NDUFAF6: variants seen among roughly 807,000 people sequenced by gnomAD.
NDUFAF6 encodes the protein NADH dehydrogenase (ubiquinone) complex I, assembly factor 6.
In NDUFAF6, 45 loss-of-function variants were observed where a neutral mutation model predicts 40.8. The observed-to-expected ratio is 1.10, with a 90% confidence interval of 0.87 to 1.42. NDUFAF6 has a LOEUF of 1.42. Among genes scored for constraint, NDUFAF6 ranks in the 40% most tolerant of loss-of-function variants. The pLI, the probability that NDUFAF6 is intolerant of heterozygous loss-of-function variation, is 0.00. For missense variants in NDUFAF6, 435 were observed against 418.5 expected (o/e 1.04, Z -0.34); for synonymous variants, 185 against 155.9 (o/e 1.19, Z -1.39).
intron 2 of NDUFAF6, among the ~76,000 whole-genome samples, chr8:95,092,602 T>C (rs1809294491): frequency 1.6e-5 from 1 of 64,288 alleles, no homozygotes; most frequent in Non-Finnish European, 2.9e-5. Flanking sequence ...TTTTTTTTTT[T>C]GAGATAGAGT....
At position 94,978,309 on chromosome 8, in the gene NDUFAF6, G is replaced by A. The variant is rs563763996; in HGVS notation, c.-198-2550G>A. On this transcript the variant is annotated intron_variant, in intron 1 of 9. Transcript: ENST00000396111. ...CTTCTAGGTTGGTGAACACATCTGCGTGTTAGAAGGATGGCGCACTCCAAT... is the reference window on the plus strand; with the variant it reads ...CTTCTAGGTTGGTGAACACATCTGCATGTTAGAAGGATGGCGCACTCCAAT... Among the ~76,000 whole-genome samples the A allele has an allele frequency of 5.3e-5, 8 of 152,292 alleles. No homozygotes were observed. In the East Asian group the frequency reaches 5.8e-4, roughly 11 times the overall value.
intron 1 of NDUFAF6, among the ~76,000 whole-genome samples, chr8:94,943,596 C>T (rs1216210889): frequency 6.6e-6 from 1 of 152,218 alleles, no homozygotes; most frequent in African/African-American, 2.4e-5. Flanking sequence ...CAACTTCAGG[C>T]TCCTGACAGT....
At chr8:94,932,176 T>C in intron 1 of NDUFAF6, 1 of 1,521,092 alleles carries the variant, frequency 6.6e-7, no homozygotes, top group Non-Finnish European at 9.0e-7. Context: ...ACTTTACTAT[T>C]AGGACGTGGT....
At chr8:95,047,211 T>C in intron 6 of NDUFAF6, 84 bp downstream of exon 6, 2 of 1,572,348 alleles carry the variant, frequency 1.3e-6, no homozygotes, top group East Asian at 4.5e-5. Flanking sequence ...GCTTAGTCTA[T>C]TCAAGTAATT....
intron 2 of NDUFAF6, chr8:94,984,303 G>A (rs1252729702): frequency 6.6e-6 from 1 of 152,102 alleles, no homozygotes; most frequent in Non-Finnish European, 1.5e-5. Context: ...TAAAAAAACA[G>A]GGAGTTAAAA....
intron 3 of NDUFAF6, among the ~76,000 whole-genome samples, chr8:95,038,852 A>G (rs1829812616): frequency 6.6e-6 from 1 of 150,516 alleles, no homozygotes; most frequent in South Asian, 2.1e-4. Context: ...TAATTTTTGT[A>G]TTTTTAGTAG....
chr8:94,930,755 TTAAA>T (rs1820317404), intron 1 of NDUFAF6: 2 of 1,610,894 alleles, frequency 1.2e-6, no homozygotes, highest in East Asian at 4.5e-5. Flanking sequence ...TGGGGATGTA[TTAAA>T]TAACAGAGTA....
chr8:95,023,618 A>T (rs1288262523), upstream of NDUFAF6, among the ~76,000 whole-genome samples: 1 of 152,256 alleles, frequency 6.6e-6, no homozygotes, highest in Non-Finnish European at 1.5e-5. Context: ...ATTCAAGTGT[A>T]GGCAGCTGCT....
chr8:94,924,312 G>T lies in NDUFAF6; in HGVS notation c.-935-21171G>T, dbSNP rs563722544. Reference sequence around the variant, plus strand: ...CCTGACCTTGTGATCTGCCTGCCTCGGCCTCCCAAAATGCTGGGATTACAG... The same window carrying T: ...CCTGACCTTGTGATCTGCCTGCCTCTGCCTCCCAAAATGCTGGGATTACAG... On this transcript the variant is annotated intron_variant, in intron 1 of 14. Transcript: ENST00000396113. Among the ~76,000 whole-genome samples the T allele has an allele frequency of 2.0e-5, 3 of 152,030 alleles. No individual in the cohort carries two copies. The East Asian group carries it at 5.8e-4, about 29-fold the overall frequency.
chr8:94,949,029 A>T (rs1407593988), intron 2 of NDUFAF6: 11 of 148,558 alleles, frequency 7.4e-5, no homozygotes, highest in African/African-American at 2.7e-4. Flanking sequence ...TGAACGCGCA[A>T]CCGGCGCCCC....
chr8:95,028,152 T>G (rs1828402551), intron 1 of NDUFAF6, among the ~76,000 whole-genome samples: 1 of 152,224 alleles, frequency 6.6e-6, no homozygotes, highest in African/African-American at 2.4e-5. Flanking sequence ...TGTGCTTGTT[T>G]CTTATATGTC....
intron 2 of NDUFAF6, chr8:94,951,144 A>G (rs1312188889): frequency 2.0e-5 from 3 of 152,226 alleles, no homozygotes; most frequent in Non-Finnish European, 4.4e-5. Context: ...ACTCTGGAAA[A>G]TGCCAGCCAC....
intron 6 of NDUFAF6, 131 bp downstream of exon 6, chr8:95,047,258 C>G: frequency 7.7e-7 from 1 of 1,307,082 alleles, no homozygotes. Context: ...CTAAAAATGG[C>G]CTTCCTCTTT....
At chr8:94,911,151 T>C (rs1030639696) in intron 1 of NDUFAF6, among the ~76,000 whole-genome samples, 5 of 152,350 alleles carry the variant, frequency 3.3e-5, no homozygotes, top group Non-Finnish European at 5.9e-5. Flanking sequence ...GGAGGAGATA[T>C]TAACACGTCT....
Position 95,047,123 on chromosome 8 carries a change from T to C in NDUFAF6, c.710T>C (p.Met237Thr), listed in dbSNP as rs1165209725. The C allele has an allele frequency of 1.9e-6, 3 of 1,614,192 alleles. No individual in the cohort carries two copies. In the African/African-American group the frequency reaches 4.0e-5, roughly 22 times the overall value. The change falls in exon 6 of 9, where the codon ATG (methionine) becomes ACG (threonine). Residue 237 changes from methionine (M) to threonine (T), a missense_variant. Met to Thr is a moderately conservative substitution (Grantham distance 81, BLOSUM62 -1). Transcript: ENST00000396124. ...RKVFLPMDIC[M>T]LHGVSQEDFL... ...GTGTTCCTTCCCATGGATATTTGTA[T>C]GCTGGTAAGGCTGTAATTTGTACCT...
intron 1 of NDUFAF6, among the ~76,000 whole-genome samples, chr8:94,901,717 T>C (rs939373345): frequency 6.6e-6 from 1 of 152,090 alleles, no homozygotes; most frequent in Non-Finnish European, 1.5e-5. Flanking sequence ...AAGTAGCTGG[T>C]ATTACAGGCA....
chr8:95,104,146 G>C (rs938658582), downstream of NDUFAF6, among the ~76,000 whole-genome samples: 9 of 152,070 alleles, frequency 5.9e-5, no homozygotes, highest in African/African-American at 2.2e-4. Context: ...CAAAGTACTG[G>C]GATTAAGCTG....
chr8:94,939,295 A>G (rs1044251102), intron 1 of NDUFAF6, among the ~76,000 whole-genome samples: 6 of 152,242 alleles, frequency 3.9e-5, no homozygotes, highest in African/African-American at 1.4e-4. Flanking sequence ...CTTAACAGAA[A>G]TGCCAGTCTT....
intron 5 of NDUFAF6, among the ~76,000 whole-genome samples, chr8:95,046,291 C>T (rs530978923): frequency 2.8e-4 from 43 of 152,196 alleles, no homozygotes; most frequent in Admixed American, 7.2e-4. Context: ...GTGATCTGCC[C>T]GCCTCGGCCT....
Sources: allele counts gnomAD v4.1 joint callset (sites outside exome capture counted in the v4.1 genomes callset), GRCh38; gene constraint gnomAD v4.1.1; transcripts MANE v1.5; gene names NCBI Gene and HGNC (gene_info 2026-07-23, HGNC 2026-07-21).